ALG12: variants seen among roughly 807,000 people sequenced by gnomAD.
The protein encoded by ALG12 is dol-P-Man:Man(7)GlcNAc(2)-PP-Dol alpha-1,6-mannosyltransferase.
Under a neutral mutation model 46.0 loss-of-function variants are expected in ALG12, and 36 were observed. The ratio of observed to expected loss-of-function variants is 0.78; its 90% CI spans 0.60 to 1.03. ALG12 has a LOEUF of 1.03. ALG12 is among the 50% of genes least tolerant of loss of function. The pLI, the probability that ALG12 is intolerant of heterozygous loss-of-function variation, is 0.00. For synonymous variants in ALG12, 326 were observed against 291.6 expected, an observed-to-expected ratio of 1.12 and a Z score of -1.20; for missense variants, 599 against 633.5, an observed-to-expected ratio of 0.95 and a Z score of 0.58.
At chr22:49,892,827 T>C in the ALG12 span, among the ~76,000 whole-genome samples, 1 of 152,164 alleles carries the variant, frequency 6.6e-6, no homozygotes. Context: ...ATAAACAGTT[T>C]GACTCTCATA....
the ALG12 span, among the ~76,000 whole-genome samples, chr22:49,863,773 T>A: frequency 6.6e-6 from 1 of 152,280 alleles, no homozygotes; most frequent in Non-Finnish European, 1.5e-5. Context: ...ATTCTTTTTT[T>A]AAATTCATCA....
At chr22:49,913,174 TCA>T (rs1359348361) in intron 3 of ALG12, among the ~76,000 whole-genome samples, 5 of 152,328 alleles carry the variant, frequency 3.3e-5, no homozygotes, top group African/African-American at 1.2e-4. Context: ...ACCCCTAATT[TCA>T]CAGTCAAGAG....
chr22:49,910,561 T>A lies in ALG12; in HGVS notation c.342A>T (p.Leu114Phe), dbSNP rs1388342821. 6.2e-7 allele frequency: 1 copy of A among 1,614,158 alleles called. No homozygotes were observed. Among genetic ancestry groups the A allele is most frequent in the South Asian group, 1.1e-5 (1 of 91,080 alleles). Residue 114 changes from leucine to phenylalanine, a missense_variant, in exon 4 of 10, where the codon TTA becomes TTT. Physicochemically the swap from Leu to Phe is conservative, Grantham distance 22. Coordinates refer to ENST00000330817, the MANE Select transcript of ALG12 (RefSeq NM_024105.4). The part of the protein sequence containing the change: ...GLGVIFGLWT[L>F]QKEVRRHFGA... ...CGAAGTGCCGTCTCACTTCCTTTTG[T>A]AACGTCCAGAGTCCAAAAATCACGC... is the stretch of plus-strand genomic sequence containing the variant.
At chr22:49,907,626 A>G in intron 7 of ALG12, 95 bp downstream of exon 7, 2 of 1,403,156 alleles carry the variant, frequency 1.4e-6, no homozygotes, top group Non-Finnish European at 2.0e-6. Context: ...CCCTGTTTCA[A>G]AAATTAAACA....
At chr22:49,888,905 C>A in the ALG12 span, 2 of 167,200 alleles carry the variant, frequency 1.2e-5, no homozygotes, top group Non-Finnish European at 2.9e-5. Context: ...GAAAGGGTTG[C>A]GCACAGGATA....
the ALG12 span, chr22:49,884,489 C>T: frequency 6.2e-7 from 1 of 1,614,208 alleles, no homozygotes; most frequent in Admixed American, 1.7e-5. Context: ...AAGAGCCTTC[C>T]ACTTCCAAAG....
rs199551380 is a variant in ALG12, at chr22:49,913,430, C to G, written c.250G>C (p.Val84Leu). The change falls in exon 3 of 10, where the codon GTG (valine) becomes CTG (leucine). Residue 84 changes from valine (V) to leucine (L), a missense_variant. By Grantham distance (32) the Val-to-Leu change is conservative. Coordinates refer to ENST00000330817, the MANE Select transcript of ALG12 (RefSeq NM_024105.4). The stretch of plus-strand genomic sequence containing the variant: ...TTGGACATTTCTAACAGCGAAAGCA[C>G]GTAAACCGCGGGGCTGGAGAACACT... ...IAVFSSPAVY[V>L]LSLLEMSKFY... The G allele has an allele frequency of 1.2e-6, 2 of 1,614,026 alleles. No individual in the cohort carries two copies. The highest frequency in any genetic ancestry group is 1.7e-6 in the Non-Finnish European group (2 of 1,180,046).
rs377028245 is a variant in ALG12, at chr22:49,910,519, G to A, written c.384C>T (p.Thr128=). The A allele has an allele frequency of 2.5e-6, 4 of 1,613,984 alleles. No homozygotes were observed. The highest frequency in any genetic ancestry group is 3.4e-6 in the Non-Finnish European group (4 of 1,180,042). ...VRRHFGAMVA[T]MFCWVTAMQF... ...GCATGGCCGTCACCCAGCAGAACAT[G>A]GTGGCCACCATGGCCCCGAAGTGCC... The change falls in exon 4 of 10, where the codon ACC becomes ACT. Residue 128 remains threonine (T), a synonymous_variant. Coordinates refer to ENST00000330817, the MANE Select transcript of ALG12 (RefSeq NM_024105.4).
At chr22:49,883,591 CG>C in the ALG12 span, 64,563 of 1,453,356 alleles carry the variant, frequency 0.044, 9,447 homozygotes, top group African/African-American at 0.5. Flanking sequence ...AATCTACATT[CG>C]GGGGCACAAA....
the ALG12 span, among the ~76,000 whole-genome samples, chr22:49,859,624 T>C: frequency 3.3e-5 from 5 of 152,244 alleles, no homozygotes; most frequent in African/African-American, 1.2e-4. Flanking sequence ...GCTTGTCTGT[T>C]ATTGCTTAAT....
At chr22:49,869,647 T>C in the ALG12 span, among the ~76,000 whole-genome samples, 1 of 152,228 alleles carries the variant, frequency 6.6e-6, no homozygotes, top group Non-Finnish European at 1.5e-5. Flanking sequence ...CATTGGTTTT[T>C]TTCTTAAAAT....
At chr22:49,917,429 G>A (rs2060618194) in intron 1 of ALG12, among the ~76,000 whole-genome samples, 1 of 149,770 alleles carries the variant, frequency 6.7e-6, no homozygotes, top group Non-Finnish European at 1.5e-5. Context: ...CTAGCACTTT[G>A]GGAGGCTGAG....
intron 3 of ALG12, among the ~76,000 whole-genome samples, chr22:49,910,827 G>A (rs983563388): frequency 6.6e-5 from 10 of 152,248 alleles, no homozygotes; most frequent in African/African-American, 2.4e-4. Flanking sequence ...CGGGAACTGA[G>A]GACCCTTGCG....
At chr22:49,863,515 T>A in the ALG12 span, among the ~76,000 whole-genome samples, 1 of 151,936 alleles carries the variant, frequency 6.6e-6, no homozygotes, top group Non-Finnish European at 1.5e-5. Flanking sequence ...TAATCCCAGC[T>A]GCTCAGGAGG....
the ALG12 span, chr22:49,886,425 G>A: frequency 6.3e-7 from 1 of 1,592,074 alleles, no homozygotes; most frequent in Non-Finnish European, 8.6e-7. This position sits in a 1 kb window ranked among gnomAD's most constrained non-coding sequence, Gnocchi z 7.7. Context: ...TCCGAGAGCT[G>A]ATCAGCTGCG....
intron 4 of ALG12, 24 bp downstream of exon 4, chr22:49,910,410 C>T (rs1434202313): frequency 1.2e-6 from 2 of 1,610,488 alleles, no homozygotes; most frequent in African/African-American, 2.7e-5. Flanking sequence ...CATGGGTGTG[C>T]AGGCCCGGCC....
At chr22:49,883,686 T>C in the ALG12 span, 1 of 1,591,564 alleles carries the variant, frequency 6.3e-7, no homozygotes, top group Non-Finnish European at 8.6e-7. Context: ...TGAAAACTTG[T>C]CCCAAAGAGG....
chr22:49,895,061 A>G, the ALG12 span, among the ~76,000 whole-genome samples: 5 of 152,114 alleles, frequency 3.3e-5, no homozygotes, highest in Admixed American at 3.3e-4. Context: ...GGGAGAGGGG[A>G]GGCTCTGAGC....
chr22:49,884,330 CAG>C, the ALG12 span: 1 of 1,613,794 alleles, frequency 6.2e-7, no homozygotes, highest in Non-Finnish European at 8.5e-7. Flanking sequence ...GATCGAATAA[CAG>C]AGGAGTCTGT....
Sources: allele counts gnomAD v4.1 joint callset (sites outside exome capture counted in the v4.1 genomes callset), GRCh38; gene constraint gnomAD v4.1.1; non-coding constraint Gnocchi (gnomAD v3.1); transcripts MANE v1.5; gene names NCBI Gene and HGNC (gene_info 2026-07-23, HGNC 2026-07-21).